The following SUSD4 variants were observed in gnomAD, a reference collection of about 807,000 sequenced individuals.
SUSD4 encodes sushi domain-containing protein 4.
A neutral mutation model predicts 50.5 loss-of-function variants in SUSD4; 41 were observed. The observed-to-expected ratio is 0.81, with a 90% CI of 0.63 to 1.05. The LOEUF is 1.05. Among genes scored for constraint, SUSD4 ranks in the 50% least tolerant of loss-of-function variants. The probability of loss-of-function intolerance (pLI) is 0.00; values close to 1 mark genes in which losing one functional copy is unlikely to be tolerated. For missense variants in SUSD4, 580 were observed against 634.7 expected (o/e 0.91, Z 0.93); for synonymous variants, 257 against 257.3 (o/e 1.00, Z 0.01).
intron 5 of SUSD4, among the ~76,000 whole-genome samples, chr1:223,233,693 T>C (rs1660037438): frequency 6.6e-6 from 1 of 152,206 alleles, no homozygotes; most frequent in African/African-American, 2.4e-5. Context: ...GACCGGGCTA[T>C]GGCACTTTTT....
chr1:223,360,719 A>T (rs1668927803), intron 2 of SUSD4, among the ~76,000 whole-genome samples: 1 of 151,880 alleles, frequency 6.6e-6, no homozygotes, highest in Non-Finnish European at 1.5e-5. Context: ...ATATCTTGCC[A>T]TTGCGGTGTT....
intron 2 of SUSD4, among the ~76,000 whole-genome samples, chr1:223,314,133 T>C (rs1160080317): frequency 6.6e-6 from 1 of 152,198 alleles, no homozygotes; most frequent in Non-Finnish European, 1.5e-5. Context: ...TTGTGTAAGA[T>C]CCAAGAATCC....
At chr1:223,293,088 G>A (rs1314287484) in intron 2 of SUSD4, among the ~76,000 whole-genome samples, 4 of 152,160 alleles carry the variant, frequency 2.6e-5, no homozygotes, top group Non-Finnish European at 5.9e-5. Flanking sequence ...TTTTCTAACG[G>A]TAGAAATGGC....
chr1:223,354,328 C>A (rs1668535600), intron 2 of SUSD4, among the ~76,000 whole-genome samples: 1 of 147,066 alleles, frequency 6.8e-6, no homozygotes, highest in Non-Finnish European at 1.5e-5. Context: ...GTCAGCATAA[C>A]TCCTCAGCCT....
At chr1:223,258,816 T>A (rs1661887851) in intron 5 of SUSD4, among the ~76,000 whole-genome samples, 1 of 152,090 alleles carries the variant, frequency 6.6e-6, no homozygotes, top group Admixed American at 6.5e-5. Flanking sequence ...GCTCACTGCT[T>A]TCCCTGAAAA....
intron 2 of SUSD4, among the ~76,000 whole-genome samples, chr1:223,330,481 T>C (rs1667113943): frequency 6.6e-6 from 1 of 152,136 alleles, no homozygotes; most frequent in Admixed American, 6.5e-5. Flanking sequence ...TTTTAAGTCA[T>C]AAGTAAGAAG....
chr1:223,319,868 G>T (rs564427644), intron 2 of SUSD4, among the ~76,000 whole-genome samples: 7 of 152,216 alleles, frequency 4.6e-5, no homozygotes, highest in Admixed American at 3.3e-4. Context: ...TTGGTAGGAG[G>T]GGTGGATGGT....
chr1:223,350,995 A>G (rs547889598), intron 2 of SUSD4, among the ~76,000 whole-genome samples: 1 of 152,354 alleles, frequency 6.6e-6, no homozygotes, highest in East Asian at 1.9e-4. Context: ...GAAGATACCA[A>G]TATTTATTGA....
intron 5 of SUSD4, among the ~76,000 whole-genome samples, chr1:223,234,501 C>A (rs1411820812): frequency 6.6e-6 from 1 of 152,142 alleles, no homozygotes; most frequent in Admixed American, 6.5e-5. Context: ...CCTGTAGCAT[C>A]CAGCATGATT....
intron 5 of SUSD4, chr1:223,264,078 CCCTGTCCTTCTCACTACTT>C (rs1434438608): frequency 2.3e-5 from 23 of 985,346 alleles, no homozygotes; most frequent in Non-Finnish European, 2.7e-5. Flanking sequence ...CCAGTGGAAG[CCCTGTCCTTCTCACTACTT>C]CATACTACTG....
chr1:223,315,907 G>C (rs969166338), intron 2 of SUSD4, among the ~76,000 whole-genome samples: 2 of 152,160 alleles, frequency 1.3e-5, no homozygotes, highest in African/African-American at 2.4e-5. Context: ...GGGGATGCTA[G>C]ACATATACAG....
intron 5 of SUSD4, among the ~76,000 whole-genome samples, chr1:223,236,092 C>A (rs879094705): frequency 2.6e-5 from 4 of 152,166 alleles, no homozygotes; most frequent in Admixed American, 2.6e-4. Context: ...TTTTAATTTG[C>A]ATTTCCTGAT....
chr1:223,235,193 T>G, intron 5 of SUSD4: 1 of 1,333,784 alleles, frequency 7.5e-7, no homozygotes, highest in Non-Finnish European at 1.0e-6. Flanking sequence ...CTAAAAAAAA[T>G]AAAGACTTTA....
At chr1:223,272,739 G>T (rs1482963771) in intron 3 of SUSD4, among the ~76,000 whole-genome samples, 3 of 152,144 alleles carry the variant, frequency 2.0e-5, no homozygotes, top group African/African-American at 7.2e-5. Context: ...TTACTGTAAA[G>T]AATTCTACTT....
At chr1:223,351,995 C>T (rs1020495144) in intron 2 of SUSD4, among the ~76,000 whole-genome samples, 3 of 151,804 alleles carry the variant, frequency 2.0e-5, no homozygotes, top group Non-Finnish European at 4.4e-5. Flanking sequence ...GACCAAGGCA[C>T]GTAGGCAGCA....
chr1:223,225,842 C>T (rs969199281), intron 7 of SUSD4, among the ~76,000 whole-genome samples: 4 of 152,158 alleles, frequency 2.6e-5, no homozygotes, highest in Non-Finnish European at 4.4e-5. Flanking sequence ...CACCCCTCGT[C>T]AACATCCCTG....
intron 3 of SUSD4, among the ~76,000 whole-genome samples, chr1:223,284,832 A>G (rs1664028489): frequency 6.6e-6 from 1 of 152,198 alleles, no homozygotes; most frequent in African/African-American, 2.4e-5. Flanking sequence ...ATAGAAGTAA[A>G]AAGTAGAAAA....
intron 2 of SUSD4, among the ~76,000 whole-genome samples, chr1:223,315,105 C>A (rs777166777): frequency 3.3e-5 from 5 of 152,248 alleles, no homozygotes; most frequent in Non-Finnish European, 7.3e-5. Flanking sequence ...CTGACCCCAT[C>A]TTGCTTCTAG....
intron 2 of SUSD4, among the ~76,000 whole-genome samples, chr1:223,304,318 T>C (rs1665382327): frequency 6.6e-6 from 1 of 152,218 alleles, no homozygotes; most frequent in South Asian, 2.1e-4. Context: ...CCTGGCATTG[T>C]CTTTACACAA....
Sources: allele counts gnomAD v4.1 joint callset (sites outside exome capture counted in the v4.1 genomes callset), GRCh38; gene constraint gnomAD v4.1.1; transcripts MANE v1.5; gene names NCBI Gene and HGNC (gene_info 2026-07-23, HGNC 2026-07-21).